The following ZFYVE1 variants were observed in gnomAD, a reference collection of about 807,000 sequenced individuals.
ZFYVE1 encodes zinc finger FYVE-type containing 1.
Under a neutral mutation model 74.4 loss-of-function variants are expected in ZFYVE1, and 30 were observed. The ratio of observed to expected loss-of-function variants is 0.40; its 90% CI spans 0.30 to 0.55. The LOEUF (loss-of-function observed/expected upper bound fraction) is 0.55, where lower values mean the gene tolerates loss of function less well. Among genes scored for constraint, ZFYVE1 ranks in the 20% least tolerant of loss-of-function variants. The pLI is 0.42. For missense variants in ZFYVE1, 703 were observed against 1,011.6 expected (o/e 0.69, Z 4.14); for synonymous variants, 335 against 385.1 (o/e 0.87, Z 1.52).
chr14:72,991,435 C>T (rs1262178848), intron 4 of ZFYVE1, among the ~76,000 whole-genome samples: 15 of 152,082 alleles, frequency 9.9e-5, no homozygotes, highest in African/African-American at 2.2e-4. Flanking sequence ...GTGATCCGCC[C>T]GCCTCGGCTT....
intron 1 of ZFYVE1, among the ~76,000 whole-genome samples, chr14:73,026,363 C>T (rs963536399): frequency 6.6e-6 from 1 of 152,074 alleles, no homozygotes; most frequent in African/African-American, 2.4e-5. Context: ...TCCAAGGCCC[C>T]GACAAGGTGT....
intron 3 of ZFYVE1, among the ~76,000 whole-genome samples, chr14:72,994,530 A>T (rs528626634): frequency 6.6e-6 from 1 of 152,182 alleles, no homozygotes; most frequent in South Asian, 2.1e-4. Context: ...AACTCATCAC[A>T]TGATACCTTG....
chr14:73,011,542 T>C (rs528528265), intron 2 of ZFYVE1, among the ~76,000 whole-genome samples: 1 of 151,714 alleles, frequency 6.6e-6, no homozygotes, highest in Non-Finnish European at 1.5e-5. Flanking sequence ...ATTTTTGAGA[T>C]GGAGTCTTGC....
intron 2 of ZFYVE1, among the ~76,000 whole-genome samples, chr14:73,019,504 C>T (rs190846422): frequency 1.2e-4 from 19 of 152,248 alleles, no homozygotes; most frequent in Admixed American, 1.2e-3. Flanking sequence ...CAGAACCTAA[C>T]TGATAGACAC....
intron 1 of ZFYVE1, among the ~76,000 whole-genome samples, chr14:73,025,652 T>A (rs1452622734): frequency 7.1e-6 from 1 of 141,446 alleles, no homozygotes; most frequent in African/African-American, 2.7e-5. Context: ...GCCAAGATCT[T>A]GCCACTGCAC....
chr14:72,975,553 G>C lies in ZFYVE1; in HGVS notation c.1804C>G (p.Leu602Val). 1 of 1,611,716 alleles carries C rather than the reference G, an allele frequency of 6.2e-7. No homozygotes were observed. The highest frequency in any genetic ancestry group is 1.1e-5 in the South Asian group (1 of 90,784). Reference sequence around the variant, plus strand: ...AGGGGCATCCTGGCACACCATACCAGAATCTGGGAGTTGGGCCTCCAGTAG... The same window carrying C: ...AGGGGCATCCTGGCACACCATACCACAATCTGGGAGTTGGGCCTCCAGTAG... ...PAYWRPNSQILSCNKCATSFK... is the reference protein window; with the variant it reads ...PAYWRPNSQIVSCNKCATSFK... The change falls in exon 9 of 12, where the codon CTG (leucine) becomes GTG (valine). Residue 602 changes from leucine to valine, a missense_variant and splice_region_variant. Transcript: ENST00000556143. This position sits in a 1 kb window ranked among gnomAD's most constrained non-coding sequence, Gnocchi z 4.1.
chr14:72,995,864 A>T (rs1292518309), intron 3 of ZFYVE1, among the ~76,000 whole-genome samples: 1 of 152,172 alleles, frequency 6.6e-6, no homozygotes, highest in African/African-American at 2.4e-5. Context: ...CCCTGGCTGA[A>T]TCCCAACCAC....
intron 8 of ZFYVE1, among the ~76,000 whole-genome samples, chr14:72,976,569 G>A (rs1214709617): frequency 6.6e-6 from 1 of 152,074 alleles, no homozygotes. Context: ...TGGATCACAA[G>A]GTCAAGAGAT....
intron 3 of ZFYVE1, among the ~76,000 whole-genome samples, chr14:72,993,781 T>C (rs1452847993): frequency 1.3e-5 from 2 of 151,856 alleles, no homozygotes; most frequent in African/African-American, 2.4e-5. Flanking sequence ...CCCAGCATTA[T>C]GGGAGGCCGA....
intron 2 of ZFYVE1, among the ~76,000 whole-genome samples, chr14:73,002,521 C>T (rs1301905269): frequency 6.6e-6 from 1 of 151,896 alleles, no homozygotes; most frequent in Non-Finnish European, 1.5e-5. Flanking sequence ...TGGCTCACTG[C>T]AACCTCCACC....
At chr14:73,023,178 A>ATTT (rs1894355146) in intron 2 of ZFYVE1, among the ~76,000 whole-genome samples, 1 of 137,576 alleles carries the variant, frequency 7.3e-6, no homozygotes, top group African/African-American at 2.7e-5. Flanking sequence ...ATATATATAT[A>ATTT]TATATATATA....
intron 11 of ZFYVE1, 137 bp from the exon 12 acceptor site, chr14:72,971,251 C>G (rs1893027413): frequency 2.3e-6 from 2 of 854,604 alleles, no homozygotes; most frequent in South Asian, 3.5e-5. Flanking sequence ...TTTAAAAATG[C>G]AGAAGCCCAG....
Position 73,024,276 on chromosome 14 carries a change from C to G in ZFYVE1, c.233G>C (p.Ser78Thr), listed in dbSNP as rs531171190. Reference sequence around the variant, plus strand: ...CTGCCTAACACCTGGTAAATGCCCACTGAGACCCTTGCAGAGGTCACAGTA... The same window carrying G: ...CTGCCTAACACCTGGTAAATGCCCAGTGAGACCCTTGCAGAGGTCACAGTA... ...VPYCDLCKGL[S>T]GHLPGVRQRA... The change falls in exon 2 of 12, where the codon AGT becomes ACT. Residue 78 changes from serine (S) to threonine (T), a missense_variant. By Grantham distance (58) the Ser-to-Thr change is moderately conservative (BLOSUM62 1). This residue lies in a region of ZFYVE1 where 211 missense variants were observed against 221.7 expected (regional missense o/e 0.95). Transcript: ENST00000556143. The G allele has an allele frequency of 9.3e-6, 15 of 1,614,214 alleles. No homozygotes were observed. In the African/African-American group the frequency reaches 1.3e-4, roughly 14 times the overall value.
chr14:72,993,360 A>G lies in ZFYVE1; in HGVS notation c.989-3T>C, dbSNP rs749091503. On this transcript the variant is annotated splice_region_variant and splice_polypyrimidine_tract_variant and intron_variant, in intron 3 of 11. Coordinates refer to ENST00000556143, the MANE Select transcript of ZFYVE1 (RefSeq NM_021260.4). ...CTCTGGCACCTCTGAGGGATGATCTATACAAGCAGAAACACAGGCACATGG... is the reference window on the plus strand; with the variant it reads ...CTCTGGCACCTCTGAGGGATGATCTGTACAAGCAGAAACACAGGCACATGG... 6.2e-7 allele frequency: 1 copy of G among 1,608,858 alleles called. No individual in the cohort carries two copies. The highest frequency in any genetic ancestry group is 8.5e-7 in the Non-Finnish European group (1 of 1,178,152).
intron 2 of ZFYVE1, among the ~76,000 whole-genome samples, chr14:73,003,538 C>A (rs1893918088): frequency 6.6e-6 from 1 of 152,064 alleles, no homozygotes; most frequent in African/African-American, 2.4e-5. Context: ...ATAGCAAGAC[C>A]CCAACTCTAC....
chr14:72,985,964 AG>A (rs879635468), intron 4 of ZFYVE1, among the ~76,000 whole-genome samples: 1 of 152,172 alleles, frequency 6.6e-6, no homozygotes, highest in Non-Finnish European at 1.5e-5. Flanking sequence ...GGTAACTGAA[AG>A]GCTAGCCTAA....
chr14:72,999,111 A>G (rs1038386467), intron 2 of ZFYVE1, among the ~76,000 whole-genome samples: 55 of 152,208 alleles, frequency 3.6e-4, no homozygotes, highest in African/African-American at 1.3e-3. Flanking sequence ...TGGCAACGTA[A>G]CAAGACCCTG....
In ZFYVE1 at chr14:72,970,713, C is replaced by G; in HGVS notation, c.*169G>C. ...GGTCCCCTGCCCTGAGGGGTCCACA[C>G]CTTCGGGCCTGCCGCCAGGCTCACC... On this transcript the variant is annotated 3_prime_UTR_variant, in exon 12 of 12. Coordinates refer to ENST00000556143, the MANE Select transcript of ZFYVE1 (RefSeq NM_021260.4). 3 of 720,512 alleles carry G rather than the reference C, an allele frequency of 4.2e-6. No homozygotes were observed. The highest frequency in any genetic ancestry group is 1.9e-5 in the South Asian group (1 of 52,870). 44.6% of individuals were successfully genotyped at this position (720,512 alleles called of 1,614,324 possible). A position where few individuals can be genotyped will look rare whatever the true frequency, so the allele number is the denominator to read the frequency against.
chr14:73,019,990 C>T (rs1894283269), intron 2 of ZFYVE1, among the ~76,000 whole-genome samples: 1 of 151,860 alleles, frequency 6.6e-6, no homozygotes, highest in Admixed American at 6.6e-5. Context: ...GGCGCAGTGG[C>T]TCACATCTGT....
Sources: gnomAD v4.1 joint callset for allele counts (sites outside exome capture counted in the v4.1 genomes callset) on GRCh38, gnomAD v4.1.1 for gene constraint, gnomAD v4.1.1 regional missense constraint, Gnocchi (gnomAD v3.1) non-coding constraint, MANE v1.5 for transcripts, NCBI Gene and HGNC (gene_info 2026-07-23, HGNC 2026-07-21) for gene names.